The following DPYD variants were observed in gnomAD, a reference collection of about 807,000 sequenced individuals.
The protein encoded by DPYD is dihydropyrimidine dehydrogenase, also known as dihydropyrimidine dehydrogenase [NADP(+)].
In DPYD, 109 loss-of-function variants were observed where a neutral mutation model predicts 116.2. That is an observed-to-expected ratio of 0.94 (90% CI 0.80 to 1.10). The LOEUF is 1.10. Ranked by LOEUF, DPYD falls within the 50% of genes least tolerant of loss-of-function variation. DPYD has a pLI of 0.00. For synonymous variants in DPYD, 440 were observed against 432.0 expected, an observed-to-expected ratio of 1.02 and a Z score of -0.23; for missense variants, 1,302 against 1,254.5, an observed-to-expected ratio of 1.04 and a Z score of -0.57.
In DPYD at chr1:97,096,911, A is replaced by G. The variant is rs186417091; in HGVS notation, c.2766+1578T>C. On this transcript the variant is annotated intron_variant, in intron 21 of 22. Transcript: ENST00000370192. ...CCTTGCCACATTTAAGAGCTGTAAC[A>G]CTCACTGCGAAGGTCCACGGCTTCA... 2.8e-3 allele frequency among the ~76,000 whole-genome samples: 424 copies of G among 152,124 alleles called. 2 individuals carry two copies. The highest frequency in any genetic ancestry group is 4.2e-3 in the Non-Finnish European group (285 of 67,988).
intron 3 of DPYD, among the ~76,000 whole-genome samples, chr1:97,824,191 G>T (rs1355441296): frequency 1.3e-5 from 2 of 152,060 alleles, no homozygotes; most frequent in South Asian, 4.2e-4. Flanking sequence ...TATAAAATAA[G>T]AGCTACCTTG....
intron 16 of DPYD, among the ~76,000 whole-genome samples, chr1:97,350,821 C>A (rs1005496384): frequency 6.6e-6 from 1 of 152,148 alleles, no homozygotes; most frequent in Non-Finnish European, 1.5e-5. Context: ...GATTCAACAG[C>A]AACCGATACT....
intron 16 of DPYD, among the ~76,000 whole-genome samples, chr1:97,322,097 G>C (rs1257370533): frequency 1.9e-5 from 2 of 105,040 alleles, no homozygotes; most frequent in East Asian, 3.4e-4. Flanking sequence ...GGTGGGGGGA[G>C]GGGGGAGGGA....
intron 3 of DPYD, among the ~76,000 whole-genome samples, chr1:97,793,685 C>T (rs1667428651): frequency 6.6e-6 from 1 of 152,056 alleles, no homozygotes. Flanking sequence ...AAAACTTTGA[C>T]CATAACTCAT....
chr1:97,675,210 A>G (rs2100906805), intron 8 of DPYD, among the ~76,000 whole-genome samples: 1 of 152,290 alleles, frequency 6.6e-6, no homozygotes, highest in East Asian at 1.9e-4. Context: ...TCAATACCAA[A>G]CAAAGAGAGC....
At chr1:97,648,267 T>C (rs1004200092) in intron 8 of DPYD, among the ~76,000 whole-genome samples, 1 of 151,992 alleles carries the variant, frequency 6.6e-6, no homozygotes, top group East Asian at 1.9e-4. Flanking sequence ...CCTTAGAAAG[T>C]ATGACTATGG....
At chr1:97,445,990 G>A (rs1377276198) in intron 14 of DPYD, among the ~76,000 whole-genome samples, 1 of 152,110 alleles carries the variant, frequency 6.6e-6, no homozygotes, top group Non-Finnish European at 1.5e-5. Context: ...GCCTCCCAAA[G>A]TGCTGGGATT....
At chr1:97,422,510 T>C (rs1359808990) in intron 14 of DPYD, among the ~76,000 whole-genome samples, 1 of 151,958 alleles carries the variant, frequency 6.6e-6, no homozygotes, top group Non-Finnish European at 1.5e-5. Context: ...TAAAGTAGAG[T>C]AACCTTTTTT....
intron 12 of DPYD, among the ~76,000 whole-genome samples, chr1:97,530,153 T>C (rs2102020232): frequency 6.6e-6 from 1 of 152,050 alleles, no homozygotes; most frequent in South Asian, 2.1e-4. Flanking sequence ...GTACAATTTC[T>C]TTCTTTTTTA....
intron 14 of DPYD, among the ~76,000 whole-genome samples, chr1:97,412,435 C>T (rs1040900855): frequency 1.3e-5 from 2 of 152,110 alleles, no homozygotes; most frequent in Non-Finnish European, 2.9e-5. Context: ...CACATAATCA[C>T]ATGATCTTTG....
Position 97,720,673 on chromosome 1 carries a change from T to C in DPYD, c.483+837A>G, listed in dbSNP as rs55684412. On this transcript the variant is annotated intron_variant, in intron 5 of 22. Coordinates refer to ENST00000370192, the MANE Select transcript of DPYD (RefSeq NM_000110.4). ...AAAATGAAAGAACACATTGTGTTTA[T>C]GCTGACAAAACCAGATCAGTAAGTC... 154,297 of 1,356,416 alleles carry C rather than the reference T, an allele frequency of 0.11. 9,348 individuals are homozygous for C. The highest frequency in any genetic ancestry group is 0.16 in the Middle Eastern group (586 of 3,574). The allele number at this position is 1,356,416 out of a possible 1,614,324, so 84.0% of individuals were successfully genotyped here. A position where few individuals can be genotyped will look rare whatever the true frequency, so the allele number is the denominator to read the frequency against.
Position 97,825,707 on chromosome 1 carries a change from C to A in DPYD, c.233+2407G>T, listed in dbSNP as rs139077885. On this transcript the variant is annotated intron_variant, in intron 3 of 22. Coordinates refer to ENST00000370192, the MANE Select transcript of DPYD (RefSeq NM_000110.4). ...TAATGGGTGCAGCACACCAACATGG[C>A]GCATGTATACATATGTAACTAACCT... Among the ~76,000 whole-genome samples, 968 of 151,296 alleles carry A rather than the reference C, an allele frequency of 6.4e-3. 13 individuals carry two copies. Among genetic ancestry groups the A allele is most frequent in the African/African-American group, 0.022 (912 of 41,164 alleles).
intron 2 of DPYD, among the ~76,000 whole-genome samples, chr1:97,844,330 C>T (rs1356092305): frequency 6.6e-6 from 1 of 152,078 alleles, no homozygotes; most frequent in Non-Finnish European, 1.5e-5. Flanking sequence ...ATGACTGATG[C>T]CTGGAGGCTC....
chr1:97,406,657 C>T (rs1400150984), intron 14 of DPYD, among the ~76,000 whole-genome samples: 3 of 150,562 alleles, frequency 2.0e-5, no homozygotes, highest in African/African-American at 7.3e-5. Flanking sequence ...TAAATTAGCT[C>T]TTTAGCGTTT....
intron 13 of DPYD, among the ~76,000 whole-genome samples, chr1:97,479,860 T>C (rs1360348553): frequency 6.6e-6 from 1 of 152,218 alleles, no homozygotes; most frequent in Non-Finnish European, 1.5e-5. Context: ...TTGTTCTTAC[T>C]AATGGGATCC....
Position 97,276,020 on chromosome 1 carries a change from C to T in DPYD, c.2299+29239G>A, listed in dbSNP as rs566720957. 3.3e-5 allele frequency among the ~76,000 whole-genome samples: 5 copies of T among 152,104 alleles called. No individual in the cohort carries two copies. In the South Asian group the frequency reaches 1.0e-3, roughly 32 times the overall value. ...TAGTTTATCTCAACAGGTTCCACAA[C>T]TTTTTATAACATGTTTATGGCATGA... On this transcript the variant is annotated intron_variant, in intron 18 of 22. Transcript: ENST00000370192.
intron 14 of DPYD, among the ~76,000 whole-genome samples, chr1:97,448,128 G>A (rs576613421): frequency 3.9e-5 from 6 of 152,180 alleles, no homozygotes; most frequent in East Asian, 1.9e-4. Context: ...TAGGCAGGAG[G>A]ATCACTTGAA....
At chr1:97,638,268 AC>A (rs917528128) in intron 8 of DPYD, among the ~76,000 whole-genome samples, 98 of 152,278 alleles carry the variant, frequency 6.4e-4, no homozygotes, top group African/African-American at 2.3e-3. Context: ...AGGCACACAG[AC>A]ATATGTACAT....
intron 21 of DPYD, among the ~76,000 whole-genome samples, chr1:97,087,752 C>T (rs1260700087): frequency 6.6e-6 from 1 of 152,108 alleles, no homozygotes; most frequent in Non-Finnish European, 1.5e-5. Context: ...TCTACAATAT[C>T]CTTAGGTATC....
Sources: allele counts gnomAD v4.1 joint callset (sites outside exome capture counted in the v4.1 genomes callset), GRCh38; gene constraint gnomAD v4.1.1; transcripts MANE v1.5; gene names NCBI Gene and HGNC (gene_info 2026-07-23, HGNC 2026-07-21).